ESRRG: variants seen among roughly 807,000 people sequenced by gnomAD.
ESRRG encodes estrogen-related receptor gamma.
Under a neutral mutation model 44.0 loss-of-function variants are expected in ESRRG, and 13 were observed. The ratio of observed to expected loss-of-function variants is 0.30; its 90% confidence interval spans 0.19 to 0.47. The LOEUF is 0.47. Ranked by LOEUF, ESRRG falls within the 20% of genes least tolerant of loss-of-function variation. The probability of loss-of-function intolerance (pLI) is 1.00; values close to 1 mark genes in which losing one functional copy is unlikely to be tolerated. For synonymous variants in ESRRG, 215 were observed against 214.6 expected, an observed-to-expected ratio of 1.00 and a Z score of -0.02; for missense variants, 395 against 580.6, an observed-to-expected ratio of 0.68 and a Z score of 3.29.
At chr1:216,511,046 G>T (rs2042580238) in intron 6 of ESRRG, among the ~76,000 whole-genome samples, 1 of 152,118 alleles carries the variant, frequency 6.6e-6, no homozygotes, top group African/African-American at 2.4e-5. Context: ...TACAGGCACA[G>T]TATATTCAGA....
intron 1 of ESRRG, among the ~76,000 whole-genome samples, chr1:217,115,915 C>T (rs1054127513): frequency 6.6e-6 from 1 of 152,006 alleles, no homozygotes; most frequent in African/African-American, 2.4e-5. Flanking sequence ...GTTCCTGATA[C>T]GTAATAGCTG....
At position 216,676,008 on chromosome 1, in the gene ESRRG, T is replaced by A. The variant is rs369304312; in HGVS notation, c.472+1068A>T. ...CTGGCAAGCTTGAGAACCACTGATA[T>A]GTGGGAAGATAGACTTTGTGTCCAT... On this transcript the variant is annotated intron_variant, in intron 2 of 6. Coordinates refer to ENST00000408911, the MANE Select transcript of ESRRG (RefSeq NM_001438.4). Among the ~76,000 whole-genome samples the A allele has an allele frequency of 3.3e-5, 5 of 152,322 alleles. No individual in the cohort carries two copies. The East Asian group carries it at 9.6e-4, about 29-fold the overall frequency.
chr1:216,666,518 T>A (rs2073968158), intron 2 of ESRRG, among the ~76,000 whole-genome samples: 1 of 152,296 alleles, frequency 6.6e-6, no homozygotes, highest in East Asian at 1.9e-4. Context: ...GGTTCTGGGT[T>A]AAGGGAGCAC....
chr1:217,078,041 C>T (rs2091460298), intron 1 of ESRRG: 1 of 152,156 alleles, frequency 6.6e-6, no homozygotes, highest in Admixed American at 6.5e-5. Flanking sequence ...AACATAACGT[C>T]GGAAAAATCC....
chr1:216,574,253 A>G (rs1461439778), intron 3 of ESRRG, among the ~76,000 whole-genome samples: 2 of 152,118 alleles, frequency 1.3e-5, no homozygotes, highest in Non-Finnish European at 2.9e-5. Flanking sequence ...TTCTTCTTTC[A>G]TATACTGCAT....
chr1:217,016,487 T>C (rs552743795), intron 1 of ESRRG, among the ~76,000 whole-genome samples: 3 of 152,260 alleles, frequency 2.0e-5, no homozygotes, highest in South Asian at 2.1e-4. Flanking sequence ...TAAGTTATTA[T>C]TATTGTTTTC....
At chr1:216,819,532 C>T (rs577607218) in intron 2 of ESRRG, among the ~76,000 whole-genome samples, 10 of 152,212 alleles carry the variant, frequency 6.6e-5, no homozygotes, top group African/African-American at 1.2e-4. Context: ...ATGTCTTTTA[C>T]GGGATTAAGT....
intron 1 of ESRRG, among the ~76,000 whole-genome samples, chr1:217,008,921 T>C (rs1454986378): frequency 1.3e-5 from 2 of 152,202 alleles, no homozygotes; most frequent in Admixed American, 6.5e-5. Context: ...AAACACCATC[T>C]TGAGACTTTA....
intron 2 of ESRRG, among the ~76,000 whole-genome samples, chr1:216,825,636 A>G (rs181980518): frequency 6.7e-6 from 1 of 150,128 alleles, no homozygotes; most frequent in Non-Finnish European, 1.5e-5. Flanking sequence ...CACAAGACAA[A>G]TAAGTTTGAT....
chr1:216,735,680 AACTT>A (rs1168903705), intron 2 of ESRRG, among the ~76,000 whole-genome samples: 1 of 152,114 alleles, frequency 6.6e-6, no homozygotes, highest in Non-Finnish European at 1.5e-5. Flanking sequence ...TCAATTAATT[AACTT>A]ACTTAAAAAT....
At chr1:216,556,134 C>T (rs976352091) in intron 5 of ESRRG, among the ~76,000 whole-genome samples, 4 of 151,914 alleles carry the variant, frequency 2.6e-5, no homozygotes, top group African/African-American at 4.8e-5. Context: ...CTCACAAAAC[C>T]ACGAGGCTTT....
At chr1:216,815,525 T>C (rs144363412) in intron 2 of ESRRG, among the ~76,000 whole-genome samples, 2 of 152,254 alleles carry the variant, frequency 1.3e-5, no homozygotes, top group Non-Finnish European at 2.9e-5. Flanking sequence ...GGCCCAGATT[T>C]TTCTCTCTCC....
intron 5 of ESRRG, among the ~76,000 whole-genome samples, chr1:216,527,109 C>A (rs1308066573): frequency 6.6e-6 from 1 of 152,084 alleles, no homozygotes; most frequent in Non-Finnish European, 1.5e-5. Flanking sequence ...GATTTTATAG[C>A]ACAGTAAAAG....
chr1:216,528,358 T>A (rs2048309873), intron 5 of ESRRG, among the ~76,000 whole-genome samples: 1 of 152,196 alleles, frequency 6.6e-6, no homozygotes, highest in African/African-American at 2.4e-5. Flanking sequence ...GTAAAGTTGA[T>A]GTTTCAGTCA....
intron 2 of ESRRG, among the ~76,000 whole-genome samples, chr1:216,786,023 A>G (rs1477605462): frequency 6.6e-6 from 1 of 152,092 alleles, no homozygotes. Flanking sequence ...ATGGAATGGA[A>G]CAGAACATGT....
intron 3 of ESRRG, among the ~76,000 whole-genome samples, chr1:216,593,352 C>A (rs572736740): frequency 1.3e-5 from 2 of 152,250 alleles, no homozygotes; most frequent in South Asian, 4.1e-4. Flanking sequence ...ATTTGAGGCA[C>A]AACTTTACTG....
At chr1:216,666,207 C>G (rs1238768803) in intron 2 of ESRRG, among the ~76,000 whole-genome samples, 1 of 152,078 alleles carries the variant, frequency 6.6e-6, no homozygotes, top group Admixed American at 6.6e-5. Context: ...CAAAAGTGAC[C>G]CACATCAATA....
chr1:216,692,223 C>T (rs1015960694), intron 1 of ESRRG, among the ~76,000 whole-genome samples: 2 of 151,602 alleles, frequency 1.3e-5, no homozygotes, highest in Non-Finnish European at 2.9e-5. Context: ...TGCATGCTAC[C>T]GCCCTGAAGA....
At chr1:216,847,247 T>C (rs2095765982) in intron 2 of ESRRG, among the ~76,000 whole-genome samples, 1 of 152,164 alleles carries the variant, frequency 6.6e-6, no homozygotes. Context: ...GACCCCTATC[T>C]AAAGTTTTCA....
Sources: gnomAD v4.1 joint callset for allele counts (sites outside exome capture counted in the v4.1 genomes callset) on GRCh38, gnomAD v4.1.1 for gene constraint, MANE v1.5 for transcripts, NCBI Gene and HGNC (gene_info 2026-07-23, HGNC 2026-07-21) for gene names.